Variants in TFEC observed in about 807,000 individuals in gnomAD.
TFEC encodes class E basic helix-loop-helix protein 34.
A neutral mutation model predicts 41.6 loss-of-function variants in TFEC; 31 were observed. That is an observed-to-expected ratio of 0.74 (90% CI 0.56 to 1.01). The LOEUF (loss-of-function observed/expected upper bound fraction) is 1.01. TFEC is among the 50% of genes least tolerant of loss of function. TFEC has a pLI of 0.00. For missense variants in TFEC, 402 were observed against 404.1 expected, an observed-to-expected ratio of 0.99 and a Z score of 0.04; for synonymous variants, 143 against 140.6, an observed-to-expected ratio of 1.02 and a Z score of -0.12.
intron 3 of TFEC, among the ~76,000 whole-genome samples, chr7:116,055,843 TCTGTGTTC>T (rs1326706587): frequency 6.6e-6 from 1 of 152,064 alleles, no homozygotes; most frequent in African/African-American, 2.4e-5. Context: ...TATTATTGTT[TCTGTGTTC>T]TTTTTACTGA....
intron 1 of TFEC, among the ~76,000 whole-genome samples, chr7:116,020,121 G>A (rs996264061): frequency 2.0e-5 from 3 of 152,162 alleles, no homozygotes; most frequent in African/African-American, 7.2e-5. Flanking sequence ...GCCTGAGAAA[G>A]TGGGGCCAGA....
intron 3 of TFEC, among the ~76,000 whole-genome samples, chr7:115,973,321 A>G (rs1317081329): frequency 6.6e-6 from 1 of 152,012 alleles, no homozygotes; most frequent in Non-Finnish European, 1.5e-5. Context: ...CATCCATCAT[A>G]ATGTAGTCTA....
intron 6 of TFEC, among the ~76,000 whole-genome samples, chr7:115,946,083 A>G (rs1013361003): frequency 2.0e-5 from 3 of 151,756 alleles, no homozygotes; most frequent in Non-Finnish European, 4.4e-5. Context: ...AATCTCTCAT[A>G]AAACTTTATA....
chr7:115,972,196 A>G (rs189644081), intron 3 of TFEC, among the ~76,000 whole-genome samples: 32 of 152,192 alleles, frequency 2.1e-4, no homozygotes, highest in Middle Eastern at 3.4e-3. Context: ...CTTCATAACT[A>G]TATTTCAAAC....
At chr7:116,122,080 G>A (rs2116218732) in intron 1 of TFEC, among the ~76,000 whole-genome samples, 1 of 152,140 alleles carries the variant, frequency 6.6e-6, no homozygotes, top group African/African-American at 2.4e-5. Flanking sequence ...ACTTACTGAA[G>A]CCACTGAAAT....
intron 1 of TFEC, among the ~76,000 whole-genome samples, chr7:116,127,365 G>A (rs1798234321): frequency 6.6e-6 from 1 of 152,070 alleles, no homozygotes; most frequent in African/African-American, 2.4e-5. Flanking sequence ...TTACAGGCGT[G>A]AGCCACCGCG....
chr7:116,017,795 T>G (rs1324679023), intron 1 of TFEC, among the ~76,000 whole-genome samples: 1 of 152,234 alleles, frequency 6.6e-6, no homozygotes, highest in African/African-American at 2.4e-5. Flanking sequence ...CAGGTTACAA[T>G]GTCTTCTAAC....
At chr7:116,045,251 T>G (rs1195566001) in intron 3 of TFEC, among the ~76,000 whole-genome samples, 1 of 152,252 alleles carries the variant, frequency 6.6e-6, no homozygotes, top group African/African-American at 2.4e-5. Context: ...AAGGAACTTT[T>G]TGGGAAATGG....
chr7:116,136,959 A>G (rs1439580743), intron 1 of TFEC, among the ~76,000 whole-genome samples: 65 of 152,114 alleles, frequency 4.3e-4, no homozygotes, highest in Non-Finnish European at 1.5e-5. Flanking sequence ...GTAATTTTCA[A>G]TGGCAAACTG....
intron 3 of TFEC, among the ~76,000 whole-genome samples, chr7:116,069,195 A>T (rs60802208): frequency 0.02 from 3,051 of 151,762 alleles, 89 homozygotes; most frequent in African/African-American, 0.068. Flanking sequence ...AAGATAAAAA[A>T]ACTCTGGCAA....
At chr7:115,974,413 T>TATAC (rs1207712041) in intron 2 of TFEC, among the ~76,000 whole-genome samples, 157 bp from the exon 3 acceptor site, 7 of 32,772 alleles carry the variant, frequency 2.1e-4, no homozygotes, top group Non-Finnish European at 2.6e-4. Context: ...ATATTATATA[T>TATAC]ATATATATAT....
intron 3 of TFEC, among the ~76,000 whole-genome samples, chr7:116,046,279 A>C (rs951382631): frequency 6.6e-6 from 1 of 152,140 alleles, no homozygotes; most frequent in Non-Finnish European, 1.5e-5. Context: ...CCCAAATCTA[A>C]ACTTGAATTG....
chr7:116,019,483 T>C (rs1795315318), intron 1 of TFEC, among the ~76,000 whole-genome samples: 1 of 152,196 alleles, frequency 6.6e-6, no homozygotes, highest in Non-Finnish European at 1.5e-5. Flanking sequence ...GGCAGCCATC[T>C]TCTTAACTTT....
intron 3 of TFEC, among the ~76,000 whole-genome samples, chr7:116,045,175 G>T (rs116338122): frequency 0.011 from 1,698 of 152,328 alleles, 24 homozygotes; most frequent in African/African-American, 0.038. Context: ...GTTGAATGGT[G>T]TTGACCAAAT....
At chr7:116,006,659 A>T (rs906462544) in intron 1 of TFEC, among the ~76,000 whole-genome samples, 1 of 152,120 alleles carries the variant, frequency 6.6e-6, no homozygotes, top group African/African-American at 2.4e-5. Flanking sequence ...TTAATGCTGA[A>T]ATGGGTTAAG....
intron 1 of TFEC, among the ~76,000 whole-genome samples, chr7:116,008,317 T>G (rs766608790): frequency 1.3e-5 from 2 of 152,154 alleles, no homozygotes; most frequent in Admixed American, 6.6e-5. Flanking sequence ...TTCTAAGTAA[T>G]TACCTGGTGA....
intron 1 of TFEC, among the ~76,000 whole-genome samples, chr7:116,006,471 A>T (rs923435052): frequency 1.6e-4 from 25 of 152,230 alleles, no homozygotes; most frequent in Admixed American, 4.6e-4. Flanking sequence ...TCAGATTTGC[A>T]TAGGGCCTGT....
chr7:116,084,805 G>C (rs556984303), intron 3 of TFEC, among the ~76,000 whole-genome samples: 2 of 151,852 alleles, frequency 1.3e-5, no homozygotes, highest in South Asian at 2.1e-4. Flanking sequence ...GTAATTGTTT[G>C]AAGGCATCTT....
chr7:116,019,144 A>G (rs1203565089), intron 1 of TFEC, among the ~76,000 whole-genome samples: 1 of 152,276 alleles, frequency 6.6e-6, no homozygotes, highest in East Asian at 1.9e-4. Flanking sequence ...AGAGAGCTGG[A>G]AGACTGAGAG....
Sources: gnomAD v4.1 joint callset for allele counts (sites outside exome capture counted in the v4.1 genomes callset) on GRCh38, gnomAD v4.1.1 for gene constraint, MANE v1.5 for transcripts, NCBI Gene and HGNC (gene_info 2026-07-23, HGNC 2026-07-21) for gene names.